Variants in DENND1A observed in about 807,000 individuals in gnomAD.
The protein encoded by DENND1A is DENN domain containing 1A, also known as DENN domain-containing protein 1A.
In DENND1A, 51 loss-of-function variants were observed where a neutral mutation model predicts 113.7. The observed-to-expected ratio is 0.45, with a 90% CI of 0.36 to 0.57. The LOEUF (loss-of-function observed/expected upper bound fraction) is 0.57. Ranked by LOEUF, DENND1A falls within the 20% of genes least tolerant of loss-of-function variation. The probability of loss-of-function intolerance (pLI) is 0.00; values close to 1 mark genes in which losing one functional copy is unlikely to be tolerated. For synonymous variants in DENND1A, 565 were observed against 570.8 expected (o/e 0.99, Z 0.14); for missense variants, 1,258 against 1,395.9 (o/e 0.90, Z 1.57).
chr9:123,630,445 A>G lies in DENND1A; in HGVS notation c.650T>C (p.Met217Thr). Reference sequence around the variant, plus strand: ...GTGCTGCCAGTACATGGGGTAGAGCATCGCCGCAGACCCGTGGATGCAGGC... The same window carrying G: ...GTGCTGCCAGTACATGGGGTAGAGCGTCGCCGCAGACCCGTGGATGCAGGC... ...LTACIHGSAAMLYPMYWQHVY... is the reference protein window; with the variant it reads ...LTACIHGSAATLYPMYWQHVY... The change falls in exon 10 of 24, where the codon ATG (methionine) becomes ACG (threonine). Residue 217 changes from methionine (M) to threonine (T), a missense_variant. By Grantham distance (81) the Met-to-Thr change is moderately conservative. Transcript: ENST00000394215. 6.2e-7 allele frequency: 1 copy of G among 1,600,816 alleles called. No homozygotes were observed. The highest frequency in any genetic ancestry group is 8.5e-7 in the Non-Finnish European group (1 of 1,173,094).
intron 2 of DENND1A, among the ~76,000 whole-genome samples, chr9:123,813,521 A>C (rs1050466162): frequency 1.3e-5 from 2 of 152,070 alleles, no homozygotes; most frequent in African/African-American, 2.4e-5. Flanking sequence ...CATCTAAAAA[A>C]AAAAATTAGG....
intron 1 of DENND1A, among the ~76,000 whole-genome samples, chr9:123,898,250 C>A (rs529872112): frequency 8.0e-4 from 121 of 152,196 alleles, no homozygotes; most frequent in African/African-American, 2.8e-3. Flanking sequence ...ATACTCTTTT[C>A]AAATCTTTTG....
intron 11 of DENND1A, among the ~76,000 whole-genome samples, chr9:123,593,881 C>T (rs918929492): frequency 2.0e-5 from 3 of 152,022 alleles, no homozygotes; most frequent in Non-Finnish European, 4.4e-5. Context: ...GCTAATTTCC[C>T]CCTTGCTGTT....
intron 3 of DENND1A, among the ~76,000 whole-genome samples, chr9:123,770,933 T>C (rs1829631321): frequency 6.6e-6 from 1 of 152,206 alleles, no homozygotes; most frequent in African/African-American, 2.4e-5. Context: ...AGAAAGCACA[T>C]TGACTTGCTC....
At chr9:123,390,476 A>G (rs999084595) in intron 21 of DENND1A, among the ~76,000 whole-genome samples, 3 of 152,222 alleles carry the variant, frequency 2.0e-5, no homozygotes, top group Admixed American at 6.5e-5. Flanking sequence ...TGATATCAAC[A>G]AGCAGGTACC....
At chr9:123,758,062 C>T (rs2070728599) in intron 4 of DENND1A, among the ~76,000 whole-genome samples, 1 of 151,994 alleles carries the variant, frequency 6.6e-6, no homozygotes, top group Admixed American at 6.6e-5. Context: ...CATACCTTCT[C>T]CTTACTGAGT....
intron 3 of DENND1A, among the ~76,000 whole-genome samples, chr9:123,779,740 T>G (rs767558577): frequency 5.9e-5 from 9 of 152,124 alleles, no homozygotes; most frequent in Non-Finnish European, 1.3e-4. Context: ...ACTCAAGCGA[T>G]TCACCCACTT....
rs548118276 is a variant in DENND1A, at chr9:123,684,943, G to A, written c.303-8154C>T. Reference sequence around the variant, plus strand: ...GATAGAGGTTCACAAAGGGAACACAGAAGAGATTCTAGAAAGTCTTCCAAG... The same window carrying A: ...GATAGAGGTTCACAAAGGGAACACAAAAGAGATTCTAGAAAGTCTTCCAAG... On this transcript the variant is annotated intron_variant, in intron 5 of 23. Coordinates refer to ENST00000394215, the MANE Select transcript of DENND1A (RefSeq NM_001352964.2). 6.8e-4 allele frequency among the ~76,000 whole-genome samples: 104 copies of A among 152,292 alleles called. 2 individuals carry two copies. Among genetic ancestry groups the A allele is most frequent in the South Asian group, 5.8e-3 (28 of 4,824 alleles).
chr9:123,478,366 C>G (rs1406563882), intron 13 of DENND1A, among the ~76,000 whole-genome samples: 1 of 152,260 alleles, frequency 6.6e-6, no homozygotes, highest in Non-Finnish European at 1.5e-5. Context: ...CACTCCCAGC[C>G]ATTTCCCTGC....
At chr9:123,522,685 C>CA (rs754416510) in intron 13 of DENND1A, among the ~76,000 whole-genome samples, 2 of 152,172 alleles carry the variant, frequency 1.3e-5, no homozygotes, top group Non-Finnish European at 2.9e-5. Context: ...TTAATGATTA[C>CA]AACTGCAGCT....
At chr9:123,724,679 A>G (rs2067576071) in intron 5 of DENND1A, among the ~76,000 whole-genome samples, 1 of 152,112 alleles carries the variant, frequency 6.6e-6, no homozygotes. Context: ...GCTGTGCCAC[A>G]GAAGCCAAAC....
intron 1 of DENND1A, among the ~76,000 whole-genome samples, chr9:123,924,905 C>T (rs1588283463): frequency 6.6e-6 from 1 of 152,146 alleles, no homozygotes; most frequent in South Asian, 2.1e-4. Flanking sequence ...AAAAGTCTTG[C>T]CTAGTCTCTT....
chr9:123,897,952 A>AG (rs1472154881), intron 1 of DENND1A, among the ~76,000 whole-genome samples: 1 of 151,926 alleles, frequency 6.6e-6, no homozygotes, highest in African/African-American at 2.4e-5. Flanking sequence ...GCGGAAAAAA[A>AG]AAAAAAAAAA....
intron 12 of DENND1A, among the ~76,000 whole-genome samples, chr9:123,568,108 A>G (rs930884978): frequency 3.3e-5 from 5 of 152,220 alleles, no homozygotes; most frequent in African/African-American, 1.2e-4. Flanking sequence ...AGCATGTCAT[A>G]AACATGCATA....
rs2057089911 is a variant in DENND1A, at chr9:123,552,018, C to CGAGAGAGAGAGAGAGAGACA, written c.993+5551_993+5552insTGTCTCTCTCTCTCTCTCTC. ...GAGAGAGAGCGAGAGAGAGCGAGAG[C>CGAGAGAGAGAGAGAGAGACA]GAGAGAGAGAGAGAGAGAGACAGAG... is the stretch of plus-strand genomic sequence containing the variant. On this transcript the variant is annotated intron_variant, in intron 13 of 23. Coordinates refer to ENST00000394215, the MANE Select transcript of DENND1A (RefSeq NM_001352964.2). Among the ~76,000 whole-genome samples the CGAGAGAGAGAGAGAGAGACA allele has an allele frequency of 3.6e-3, 431 of 118,514 alleles. 6 individuals are homozygous for CGAGAGAGAGAGAGAGAGACA. Among genetic ancestry groups the CGAGAGAGAGAGAGAGAGACA allele is most frequent in the South Asian group, 5.3e-3 (19 of 3,584 alleles). 77.7% of individuals were successfully genotyped at this position (118,514 alleles called of 152,430 possible).
chr9:123,742,358 G>C (rs927596874), intron 5 of DENND1A, among the ~76,000 whole-genome samples: 3 of 152,160 alleles, frequency 2.0e-5, no homozygotes, highest in Non-Finnish European at 2.9e-5. Context: ...TGAAGTCCAT[G>C]TCAACAGTTT....
intron 13 of DENND1A, among the ~76,000 whole-genome samples, chr9:123,553,286 T>A (rs1225035877): frequency 6.6e-6 from 1 of 152,086 alleles, no homozygotes; most frequent in Non-Finnish European, 1.5e-5. Context: ...TAAAATAATT[T>A]TTTTTTAAAG....
chr9:123,790,802 A>G (rs1832885198), intron 3 of DENND1A, among the ~76,000 whole-genome samples: 1 of 152,190 alleles, frequency 6.6e-6, no homozygotes, highest in Admixed American at 6.5e-5. Flanking sequence ...GTATGCATAT[A>G]CGTACACATA....
chr9:123,735,194 C>G (rs1008201824), intron 5 of DENND1A, among the ~76,000 whole-genome samples: 3 of 152,066 alleles, frequency 2.0e-5, no homozygotes, highest in African/African-American at 7.2e-5. Context: ...AATTAAAATA[C>G]CCCTATTTCC....
Sources: allele counts gnomAD v4.1 joint callset (sites outside exome capture counted in the v4.1 genomes callset), GRCh38; gene constraint gnomAD v4.1.1; transcripts MANE v1.5; gene names NCBI Gene and HGNC (gene_info 2026-07-23, HGNC 2026-07-21).